HADH: variants seen among roughly 807,000 people sequenced by gnomAD.
HADH encodes hydroxyacyl-coenzyme A dehydrogenase, mitochondrial.
In HADH, 24 loss-of-function variants were observed where a neutral mutation model predicts 32.2. That is an observed-to-expected ratio of 0.75 (90% CI 0.54 to 1.05). The LOEUF is 1.05. Ranked by LOEUF, HADH falls within the 50% of genes least tolerant of loss-of-function variation. The pLI, the probability that HADH is intolerant of heterozygous loss-of-function variation, is 0.00. For synonymous variants in HADH, 139 were observed against 152.5 expected, an observed-to-expected ratio of 0.91 and a Z score of 0.65; for missense variants, 350 against 397.1, an observed-to-expected ratio of 0.88 and a Z score of 1.01.
intron 6 of HADH, 28 bp downstream of exon 6, chr4:108,027,788 G>GC: frequency 2.3e-6 from 3 of 1,315,598 alleles, no homozygotes; most frequent in Non-Finnish European, 3.3e-6. Flanking sequence ...GCCAGGAGCA[G>GC]CAGACCTCAG....
intron 7 of HADH, 23 bp downstream of exon 7, chr4:108,033,315 GTC>G (rs1736345107): frequency 8.6e-7 from 1 of 1,161,518 alleles, no homozygotes; most frequent in Admixed American, 1.7e-5. Context: ...ATTTTTTGTT[GTC>G]TTTAATTGAG....
intron 1 of HADH, among the ~76,000 whole-genome samples, chr4:108,008,602 A>G (rs556353959): frequency 6.6e-6 from 1 of 152,186 alleles, no homozygotes; most frequent in South Asian, 2.1e-4. Flanking sequence ...TATCACGACC[A>G]TGGTTTGGGA....
chr4:108,020,260 CAG>C (rs949027395), intron 4 of HADH, among the ~76,000 whole-genome samples: 1 of 152,066 alleles, frequency 6.6e-6, no homozygotes, highest in Non-Finnish European at 1.5e-5. Flanking sequence ...GCTTGAGACC[CAG>C]GGGTTCAAGA....
rs1228714654 is a variant in HADH at position 108,034,294 on chromosome 4, TA to T, written c.884del (p.Lys295SerfsTer3). ...TACATCAGCCCAGCCCATCCTTAAA[TA>T]AGCTGGTAGCAGAGAACAAGTTCGG... ...PLHQPSPSLNKLVAENKFGKK... is the reference protein window; with the variant it reads ...PLHQPSPSLNXLVAENKFGKK... On this transcript the variant is annotated frameshift_variant, in exon 8 of 8. Coordinates refer to ENST00000309522, the MANE Select transcript of HADH (RefSeq NM_005327.7). LOFTEE classifies it high-confidence loss of function. The T allele has an allele frequency of 6.2e-7, 1 of 1,613,758 alleles. No individual in the cohort carries two copies. Among genetic ancestry groups the T allele is most frequent in the Non-Finnish European group, 8.5e-7 (1 of 1,179,744 alleles).
At chr4:108,008,790 G>T (rs1168975137) in intron 1 of HADH, among the ~76,000 whole-genome samples, 2 of 152,226 alleles carry the variant, frequency 1.3e-5, no homozygotes, top group East Asian at 3.9e-4. Context: ...ATTATATTAG[G>T]TCATGCCTGT....
In HADH at chr4:108,009,881, C is replaced by A; in HGVS notation, c.255C>A (p.Asn85Lys). ...TGGCAAAGAAGAAGTTTGCAGAAAA[C>A]CTTAAGGTAATTTCTTATTATCGAT... ...RKVAKKKFAENLKAGDEFVEK... is the reference protein window; with the variant it reads ...RKVAKKKFAEKLKAGDEFVEK... The change falls in exon 2 of 8, where the codon AAC becomes AAA. Residue 85 changes from asparagine to lysine, a missense_variant. Transcript: ENST00000309522. 2 of 1,609,790 alleles carry A rather than the reference C, an allele frequency of 1.2e-6. No individual in the cohort carries two copies. Among genetic ancestry groups the A allele is most frequent in the Non-Finnish European group, 8.5e-7 (1 of 1,176,180 alleles).
At position 108,034,510 on chromosome 4, in the gene HADH, T is replaced by TA; in HGVS notation, c.*154dup. 1 of 701,784 alleles carries TA rather than the reference T, an allele frequency of 1.4e-6. No individual in the cohort carries two copies. Among genetic ancestry groups the TA allele is most frequent in the Non-Finnish European group, 2.7e-6 (1 of 375,688 alleles). 43.5% of individuals were successfully genotyped at this position (701,784 alleles called of 1,614,324 possible). A position where few individuals can be genotyped will look rare whatever the true frequency, so the allele number is the denominator to read the frequency against. On this transcript the variant is annotated 3_prime_UTR_variant, in exon 8 of 8. Coordinates refer to ENST00000309522, the MANE Select transcript of HADH (RefSeq NM_005327.7). ...GATTGTAATCTATCGAAGTGATTAT[T>TA]ACACCAGTTACAGCAGTAATAGATT...
chr4:108,001,990 G>A (rs560135474), intron 1 of HADH, among the ~76,000 whole-genome samples: 3 of 152,220 alleles, frequency 2.0e-5, no homozygotes, highest in Non-Finnish European at 2.9e-5. Flanking sequence ...AATTTATGTC[G>A]AAGCTGAATC....
chr4:108,004,146 G>A (rs1434008583), intron 1 of HADH, among the ~76,000 whole-genome samples: 41 of 152,198 alleles, frequency 2.7e-4, no homozygotes, highest in Admixed American at 2.6e-3. Context: ...CTTCCCCAAA[G>A]GCAGTTATGA....
At chr4:107,990,561 C>A (rs1471167800) in intron 1 of HADH, among the ~76,000 whole-genome samples, 2 of 152,126 alleles carry the variant, frequency 1.3e-5, no homozygotes, top group African/African-American at 4.8e-5. Flanking sequence ...CCTCCCGGCT[C>A]TCCCCGGTCT....
intron 6 of HADH, chr4:108,032,117 AT>A: frequency 3.0e-6 from 1 of 332,076 alleles, no homozygotes. Flanking sequence ...GTGTCTTAAC[AT>A]TTTTCCCTCT....
At chr4:108,021,057 C>A (rs1377695848) in intron 4 of HADH, among the ~76,000 whole-genome samples, 1 of 151,930 alleles carries the variant, frequency 6.6e-6, no homozygotes, top group Non-Finnish European at 1.5e-5. Flanking sequence ...TTTCTCCTAT[C>A]CCCTAAGGCT....
At chr4:108,002,536 TAGA>T (rs1735149507) in intron 1 of HADH, among the ~76,000 whole-genome samples, 1 of 152,196 alleles carries the variant, frequency 6.6e-6, no homozygotes, top group African/African-American at 2.4e-5. Context: ...GTAATAATAA[TAGA>T]AATAAAGTGC....
At chr4:108,019,445 C>T in intron 3 of HADH, 95 bp from the exon 4 acceptor site, 1 of 1,059,700 alleles carries the variant, frequency 9.4e-7, no homozygotes, top group Non-Finnish European at 1.5e-6. Flanking sequence ...ACAGATGTGG[C>T]AGTAAGCAGT....
At chr4:108,029,021 C>T (rs957443122) in intron 6 of HADH, 6 of 397,494 alleles carry the variant, frequency 1.5e-5, no homozygotes, top group Non-Finnish European at 4.4e-6. Context: ...GCATGGGCTT[C>T]AACAGCCTAT....
intron 3 of HADH, among the ~76,000 whole-genome samples, chr4:108,016,953 T>C (rs1294397002): frequency 6.6e-6 from 1 of 152,162 alleles, no homozygotes; most frequent in Non-Finnish European, 1.5e-5. Context: ...TACACTAGGC[T>C]CTTTAACCTG....
At chr4:108,007,176 G>A (rs978931080) in intron 1 of HADH, among the ~76,000 whole-genome samples, 3 of 151,950 alleles carry the variant, frequency 2.0e-5, no homozygotes, top group Admixed American at 6.6e-5. Context: ...GTGCGATCTC[G>A]GCTCACTGCA....
rs951958405 is a variant in HADH, at chr4:108,004,737, A to G, written c.133-5022A>G. ...GAATGAAGAGAGAAGTTAGATGGAA[A>G]AGAGATTTTTAAGGTCAAAAGAAGC... is the stretch of plus-strand genomic sequence containing the variant. On this transcript the variant is annotated intron_variant, in intron 1 of 7. Coordinates refer to ENST00000309522, the MANE Select transcript of HADH (RefSeq NM_005327.7). 22 of 1,534,328 alleles carry G rather than the reference A, an allele frequency of 1.4e-5. No homozygotes were observed. In the African/African-American group the frequency reaches 2.6e-4, roughly 18 times the overall value.
At chr4:108,018,757 A>G (rs905932812) in intron 3 of HADH, among the ~76,000 whole-genome samples, 3 of 152,022 alleles carry the variant, frequency 2.0e-5, no homozygotes, top group African/African-American at 7.3e-5. Context: ...GCCTGTTTGT[A>G]TGTTTTTATC....
Sources: gnomAD v4.1 joint callset for allele counts (sites outside exome capture counted in the v4.1 genomes callset) on GRCh38, gnomAD v4.1.1 for gene constraint, MANE v1.5 for transcripts, NCBI Gene and HGNC (gene_info 2026-07-23, HGNC 2026-07-21) for gene names.